Variants in NUBPL observed in about 807,000 individuals in gnomAD.
The protein encoded by NUBPL is NUBP iron-sulfur cluster assembly factor, mitochondrial, also known as iron-sulfur cluster transfer protein NUBPL.
Under a neutral mutation model 45.7 loss-of-function variants are expected in NUBPL, and 31 were observed. The observed-to-expected ratio is 0.68, with a 90% CI of 0.51 to 0.92. NUBPL has a LOEUF of 0.92. Ranked by LOEUF, NUBPL falls within the 40% of genes least tolerant of loss-of-function variation. NUBPL has a pLI of 0.00. For missense variants in NUBPL, 401 were observed against 398.7 expected (o/e 1.01, Z -0.05); for synonymous variants, 144 against 140.9 (o/e 1.02, Z -0.15).
At chr14:31,648,521 T>A (rs2035915807) in intron 4 of NUBPL, among the ~76,000 whole-genome samples, 1 of 152,230 alleles carries the variant, frequency 6.6e-6, no homozygotes, top group Non-Finnish European at 1.5e-5. Context: ...TGTTTGGGAA[T>A]AAGTTTTATA....
At chr14:31,789,624 G>A (rs2039343177) in intron 7 of NUBPL, among the ~76,000 whole-genome samples, 2 of 151,914 alleles carry the variant, frequency 1.3e-5, no homozygotes, top group South Asian at 4.2e-4. Context: ...GGAAAATAAT[G>A]GAATTTTAAA....
intron 6 of NUBPL, among the ~76,000 whole-genome samples, chr14:31,750,846 C>T (rs904972211): frequency 6.6e-6 from 1 of 152,078 alleles, no homozygotes; most frequent in Non-Finnish European, 1.5e-5. Context: ...TAAAGAACTA[C>T]CTGAGACTGG....
chr14:31,664,890 T>G (rs1269539829), intron 4 of NUBPL, among the ~76,000 whole-genome samples: 1 of 152,224 alleles, frequency 6.6e-6, no homozygotes, highest in Non-Finnish European at 1.5e-5. Flanking sequence ...TGTTAGGCTA[T>G]TAATTACTGC....
chr14:31,574,284 G>A (rs1007007398), intron 3 of NUBPL, among the ~76,000 whole-genome samples: 7 of 150,480 alleles, frequency 4.7e-5, no homozygotes, highest in Non-Finnish European at 7.4e-5. Flanking sequence ...TTTTTTTTGA[G>A]ACAGAGTCTT....
intron 3 of NUBPL, among the ~76,000 whole-genome samples, chr14:31,586,926 G>A (rs1009264335): frequency 6.6e-6 from 1 of 152,166 alleles, no homozygotes; most frequent in Non-Finnish European, 1.5e-5. Context: ...ATTGAATTGG[G>A]TCCTTACTCT....
chr14:31,615,542 G>T (rs2034876543), intron 4 of NUBPL, among the ~76,000 whole-genome samples: 1 of 152,132 alleles, frequency 6.6e-6, no homozygotes, highest in African/African-American at 2.4e-5. Flanking sequence ...GTGAGAACAT[G>T]TGGTGTTTGG....
chr14:31,748,862 C>A (rs1157481309), intron 6 of NUBPL, among the ~76,000 whole-genome samples: 2 of 152,096 alleles, frequency 1.3e-5, no homozygotes, highest in African/African-American at 4.8e-5. Context: ...ATCTACCCAC[C>A]TGGGCTCCTA....
intron 7 of NUBPL, among the ~76,000 whole-genome samples, chr14:31,798,791 C>CA (rs1164176250): frequency 0.4 from 21,400 of 53,692 alleles, 6,399 homozygotes; most frequent in African/African-American, 0.56. Flanking sequence ...GACTCCGTCT[C>CA]AAAAAAAAAA....
intron 6 of NUBPL, among the ~76,000 whole-genome samples, chr14:31,711,720 G>A (rs1296662420): frequency 6.6e-6 from 1 of 152,110 alleles, no homozygotes; most frequent in Admixed American, 6.5e-5. Context: ...GACTTCAGGA[G>A]TGAAGTTGCA....
At chr14:31,788,015 C>T (rs2039315069) in intron 7 of NUBPL, 142 bp downstream of exon 7, 2 of 630,226 alleles carry the variant, frequency 3.2e-6, no homozygotes, top group Admixed American at 2.6e-5. Flanking sequence ...AGATCAGAAG[C>T]ATAAATTATT....
At chr14:31,576,591 G>C (rs893407600) in intron 3 of NUBPL, among the ~76,000 whole-genome samples, 3 of 152,076 alleles carry the variant, frequency 2.0e-5, no homozygotes, top group Admixed American at 2.0e-4. Flanking sequence ...CCTAGAGACT[G>C]TTTGGGAGAT....
intron 8 of NUBPL, among the ~76,000 whole-genome samples, chr14:31,830,261 C>T (rs1284009650): frequency 6.6e-6 from 1 of 152,096 alleles, no homozygotes; most frequent in African/African-American, 2.4e-5. Context: ...CTTCTATAAG[C>T]AAAGTGCTAT....
At chr14:31,740,838 G>A (rs1013429169) in intron 6 of NUBPL, among the ~76,000 whole-genome samples, 3 of 151,846 alleles carry the variant, frequency 2.0e-5, no homozygotes, top group Admixed American at 1.3e-4. Context: ...TTTCAGTTTT[G>A]CACCTTTCAA....
chr14:31,688,932 G>C (rs1278992073), intron 6 of NUBPL, among the ~76,000 whole-genome samples: 1 of 151,626 alleles, frequency 6.6e-6, no homozygotes, highest in East Asian at 1.9e-4. Context: ...TTTCTGTTCC[G>C]GCATTAGGTT....
intron 6 of NUBPL, among the ~76,000 whole-genome samples, chr14:31,723,804 A>G (rs564268660): frequency 2.0e-5 from 3 of 152,218 alleles, no homozygotes; most frequent in Admixed American, 2.0e-4. Flanking sequence ...TGTATCCTGA[A>G]ATGTTGCTGA....
chr14:31,726,994 A>G (rs1481671341), intron 6 of NUBPL, among the ~76,000 whole-genome samples: 2 of 152,170 alleles, frequency 1.3e-5, no homozygotes, highest in African/African-American at 2.4e-5. Flanking sequence ...GCAATAAAAA[A>G]TATCTTCAGG....
chr14:31,589,121 G>A (rs951073120), intron 3 of NUBPL, among the ~76,000 whole-genome samples: 1 of 151,934 alleles, frequency 6.6e-6, no homozygotes, highest in Non-Finnish European at 1.5e-5. Context: ...ATTAAAAAAA[G>A]TCATATTGTA....
intron 6 of NUBPL, among the ~76,000 whole-genome samples, chr14:31,693,852 C>CTTTTTTTT (rs138873656): frequency 9.0e-5 from 6 of 66,572 alleles, no homozygotes; most frequent in African/African-American, 2.7e-4. Flanking sequence ...ATTTTCTTTT[C>CTTTTTTTT]TTTTCTTTTT....
chr14:31,823,715 C>G (rs1015415755), intron 7 of NUBPL, among the ~76,000 whole-genome samples: 1 of 151,994 alleles, frequency 6.6e-6, no homozygotes, highest in African/African-American at 2.4e-5. Flanking sequence ...AACTGAGACT[C>G]AGAGTGATTC....
Sources: allele counts gnomAD v4.1 joint callset (sites outside exome capture counted in the v4.1 genomes callset), GRCh38; gene constraint gnomAD v4.1.1; transcripts MANE v1.5; gene names NCBI Gene and HGNC (gene_info 2026-07-23, HGNC 2026-07-21).